The following SPECC1 variants were observed in gnomAD, a reference collection of about 807,000 sequenced individuals.
SPECC1 encodes the protein sperm antigen with calponin homology and coiled-coil domains 1, also known as cytospin-B.
In SPECC1, 62 loss-of-function variants were observed where a neutral mutation model predicts 104.1. The ratio of observed to expected loss-of-function variants is 0.60; its 90% CI spans 0.49 to 0.74. The LOEUF is 0.74. Ranked by LOEUF, SPECC1 falls within the 30% of genes least tolerant of loss-of-function variation. The pLI, the probability that SPECC1 is intolerant of heterozygous loss-of-function variation, is 0.00. For synonymous variants in SPECC1, 513 were observed against 501.6 expected, an observed-to-expected ratio of 1.02 and a Z score of -0.30; for missense variants, 1,306 against 1,310.5, an observed-to-expected ratio of 1.00 and a Z score of 0.05.
chr17:20,178,685 G>A (rs1211181738), intron 3 of SPECC1, among the ~76,000 whole-genome samples: 2 of 152,194 alleles, frequency 1.3e-5, no homozygotes, highest in African/African-American at 4.8e-5. Flanking sequence ...CAAAGATATT[G>A]TGAGGTGAAA....
At chr17:20,220,310 G>A (rs1252158296) in intron 4 of SPECC1, among the ~76,000 whole-genome samples, 3 of 152,066 alleles carry the variant, frequency 2.0e-5, no homozygotes, top group African/African-American at 7.2e-5. Flanking sequence ...TACACATAGA[G>A]TGTCTTTATT....
At chr17:20,165,139 C>T (rs953481937) in intron 3 of SPECC1, among the ~76,000 whole-genome samples, 3 of 152,086 alleles carry the variant, frequency 2.0e-5, no homozygotes, top group Admixed American at 6.5e-5. Context: ...CAGATCAACC[C>T]GTCACCTAGG....
At chr17:20,134,504 G>T (rs2049822852) in intron 3 of SPECC1, among the ~76,000 whole-genome samples, 2 of 151,850 alleles carry the variant, frequency 1.3e-5, no homozygotes, top group Admixed American at 1.3e-4. Flanking sequence ...TTTTAAAAAT[G>T]GTATATTATA....
At chr17:20,261,961 T>C (rs561740528) in intron 12 of SPECC1, among the ~76,000 whole-genome samples, 28 of 152,366 alleles carry the variant, frequency 1.8e-4, no homozygotes, top group African/African-American at 6.3e-4. Context: ...AAGATAACCA[T>C]TGTCCTCAAT....
intron 2 of SPECC1, among the ~76,000 whole-genome samples, chr17:20,099,754 CATAGGAATGTTTCTAAAGGACA>C: frequency 7.2e-6 from 1 of 139,052 alleles, no homozygotes; most frequent in African/African-American, 2.7e-5. Context: ...CCGGAAGAAG[CATAGGAATGTTTCTAAAGGACA>C]ATGAATGAGA....
At chr17:20,285,425 T>C (rs1351534524) in intron 12 of SPECC1, among the ~76,000 whole-genome samples, 4 of 152,236 alleles carry the variant, frequency 2.6e-5, no homozygotes, top group South Asian at 2.1e-4. Context: ...TTTTTTTTTT[T>C]CCTAAACCCT....
intron 4 of SPECC1, among the ~76,000 whole-genome samples, chr17:20,214,031 A>C (rs534838405): frequency 6.6e-6 from 1 of 152,330 alleles, no homozygotes; most frequent in Admixed American, 6.5e-5. Flanking sequence ...AACCCACAGC[A>C]GTCACCCTCC....
At chr17:20,310,193 T>C (rs1325048913) in intron 14 of SPECC1, among the ~76,000 whole-genome samples, 2 of 152,234 alleles carry the variant, frequency 1.3e-5, no homozygotes, top group African/African-American at 4.8e-5. Context: ...AGCACTGTGA[T>C]GAACATAAGT....
intron 1 of SPECC1, among the ~76,000 whole-genome samples, chr17:20,011,916 AGATACTTTTCTTT>A (rs142469785): frequency 0.015 from 2,257 of 152,194 alleles, 61 homozygotes; most frequent in African/African-American, 0.051. Flanking sequence ...CTTGTATCAC[AGATACTTTTCTTT>A]GGAACATTTT....
intron 7 of SPECC1, among the ~76,000 whole-genome samples, chr17:20,235,950 C>T (rs891437608): frequency 2.6e-5 from 4 of 152,234 alleles, no homozygotes; most frequent in East Asian, 1.9e-4. Flanking sequence ...TGTGCACATC[C>T]GTGTCAGCCT....
At chr17:20,030,876 A>G (rs1294861058) in intron 1 of SPECC1, among the ~76,000 whole-genome samples, 2 of 152,130 alleles carry the variant, frequency 1.3e-5, no homozygotes, top group African/African-American at 4.8e-5. Flanking sequence ...TTACCATTTT[A>G]ATCATTAAAC....
At chr17:20,312,245 C>T (rs1488377147) in intron 14 of SPECC1, among the ~76,000 whole-genome samples, 1 of 152,152 alleles carries the variant, frequency 6.6e-6, no homozygotes, top group African/African-American at 2.4e-5. Flanking sequence ...GGTCTGGTAT[C>T]TTTTGGAGGG....
At chr17:20,037,930 T>C (rs147042731) in intron 1 of SPECC1, among the ~76,000 whole-genome samples, 1 of 152,282 alleles carries the variant, frequency 6.6e-6, no homozygotes, top group African/African-American at 2.4e-5. Flanking sequence ...AATTACAAAT[T>C]CAATTTTCTC....
At chr17:20,229,899 G>A (rs2038465412) in intron 5 of SPECC1, among the ~76,000 whole-genome samples, 1 of 152,200 alleles carries the variant, frequency 6.6e-6, no homozygotes, top group African/African-American at 2.4e-5. Context: ...ATCACCCAGG[G>A]TCAGGAAAAT....
chr17:20,104,740 C>CAAAAAA (rs745893309), intron 2 of SPECC1, among the ~76,000 whole-genome samples: 7 of 57,230 alleles, frequency 1.2e-4, no homozygotes, highest in African/African-American at 2.8e-4. Context: ...GAGACTGTCT[C>CAAAAAA]AAAAAAAAAA....
Position 20,047,188 on chromosome 17 carries a change from T to C in SPECC1, c.-22+37764T>C, listed in dbSNP as rs538086434. On this transcript the variant is annotated intron_variant, in intron 1 of 14. Transcript: ENST00000395527. ...TTTCATGTTGTAAATGCTTGTGTTC[T>C]TTCATGTCTTTCATGGCTTTTGCAG... 5.9e-5 allele frequency among the ~76,000 whole-genome samples: 9 copies of C among 152,378 alleles called. No homozygotes were observed. The South Asian group carries it at 1.9e-3, about 32-fold the overall frequency.
intron 12 of SPECC1, among the ~76,000 whole-genome samples, chr17:20,264,932 G>A (rs1045254931): frequency 6.6e-6 from 1 of 152,148 alleles, no homozygotes; most frequent in Non-Finnish European, 1.5e-5. Context: ...CTGCATCCAT[G>A]TTTTTGTTCT....
At chr17:20,028,936 A>G (rs1166880431) in intron 1 of SPECC1, among the ~76,000 whole-genome samples, 2 of 151,930 alleles carry the variant, frequency 1.3e-5, no homozygotes, top group African/African-American at 4.8e-5. Flanking sequence ...CTAATTTTGT[A>G]TTTTTAGAAG....
chr17:20,154,054 C>T (rs2032245718), intron 3 of SPECC1, among the ~76,000 whole-genome samples: 1 of 152,158 alleles, frequency 6.6e-6, no homozygotes, highest in Non-Finnish European at 1.5e-5. Flanking sequence ...GTGGCAGAAA[C>T]CAACTCATGG....
Sources: gnomAD v4.1 joint callset for allele counts (sites outside exome capture counted in the v4.1 genomes callset) on GRCh38, gnomAD v4.1.1 for gene constraint, MANE v1.5 for transcripts, NCBI Gene and HGNC (gene_info 2026-07-23, HGNC 2026-07-21) for gene names.